DNAH2: variants seen among roughly 807,000 people sequenced by gnomAD.
DNAH2 encodes the protein dynein axonemal heavy chain 2, also known as axonemal beta dynein heavy chain 2.
A neutral mutation model predicts 523.5 loss-of-function variants in DNAH2; 323 were observed. That is an observed-to-expected ratio of 0.62 (90% confidence interval 0.56 to 0.68). The LOEUF (loss-of-function observed/expected upper bound fraction) is 0.68. DNAH2 is among the 30% of genes least tolerant of loss of function. The probability of loss-of-function intolerance (pLI) is 0.00; values close to 1 mark genes in which losing one functional copy is unlikely to be tolerated. For missense variants in DNAH2, 4,907 were observed against 5,701.5 expected (o/e 0.86, Z 4.49); for synonymous variants, 2,093 against 2,177.4 (o/e 0.96, Z 1.08).
rs1416831619 is a variant in DNAH2 at position 7,833,571 on chromosome 17, G to C, written c.*38G>C. ...TTCTCCGCTTGAGAGAGAGGGTCAG[G>C]GACTCCAGGAGCTAAGACAGATGTT... On this transcript the variant is annotated 3_prime_UTR_variant, in exon 86 of 86. Transcript: ENST00000572933. 1.2e-6 allele frequency: 2 copies of C among 1,608,722 alleles called. No homozygotes were observed. The highest frequency in any genetic ancestry group is 2.7e-5 in the African/African-American group (2 of 74,908).
At chr17:7,796,356 T>A in intron 49 of DNAH2, 108 bp from the exon 50 acceptor site, 2 of 1,322,120 alleles carry the variant, frequency 1.5e-6, no homozygotes, top group Non-Finnish European at 2.0e-6. Flanking sequence ...GCCCTAGGAT[T>A]TTTTTTGACA....
chr17:7,777,083 C>T (rs1231622604), intron 32 of DNAH2, among the ~76,000 whole-genome samples, 194 bp downstream of exon 32: 2 of 148,874 alleles, frequency 1.3e-5, no homozygotes, highest in Non-Finnish European at 3.0e-5. Flanking sequence ...GAGCTAAGAT[C>T]GTACCACTGC....
chr17:7,765,432 C>T lies in DNAH2; in HGVS notation c.3378C>T (p.Val1126=). The change falls in exon 21 of 86, where the codon GTC becomes GTT. Residue 1126 remains valine (V), a synonymous_variant. Coordinates refer to ENST00000572933, the MANE Select transcript of DNAH2 (RefSeq NM_020877.5). ...ACAGTCTCAACGGGGAGTGGGTTGT[C>T]TTCCAACAAACTCTGCTGGACAGTA... is the stretch of plus-strand genomic sequence containing the variant. ...MLDSLNGEWV[V]FQQTLLDSKQ... 6.2e-7 allele frequency: 1 copy of T among 1,614,188 alleles called. No individual in the cohort carries two copies. The highest frequency in any genetic ancestry group is 8.5e-7 in the Non-Finnish European group (1 of 1,180,008).
In DNAH2 at chr17:7,833,256, C is replaced by T. The variant is rs749194882; in HGVS notation, c.13129+35C>T. 8.7e-6 allele frequency: 14 copies of T among 1,606,352 alleles called. 1 individual carries two copies. Among genetic ancestry groups the T allele is most frequent in the East Asian group, 6.7e-5 (3 of 44,842 alleles). On this transcript the variant is annotated intron_variant, in intron 85 of 85. Transcript: ENST00000572933. The stretch of plus-strand genomic sequence containing the variant: ...CTCCCCAGGCAGGACCTGCCTGCCC[C>T]GTCCCTAGTTTGGAACTTAACCCAT...
intron 77 of DNAH2, among the ~76,000 whole-genome samples, chr17:7,829,086 C>T (rs11870595): frequency 0.036 from 5,428 of 151,718 alleles, 266 homozygotes; most frequent in African/African-American, 0.1. Flanking sequence ...AGTGCAGTGG[C>T]GCTCTGCAAC....
At chr17:7,753,621 T>C (rs2075751094) in intron 12 of DNAH2, among the ~76,000 whole-genome samples, 1 of 152,014 alleles carries the variant, frequency 6.6e-6, no homozygotes, top group Admixed American at 6.6e-5. Flanking sequence ...AAGAGTGCGT[T>C]TGAAGAAAGT....
rs1476266610 is a variant in DNAH2 at position 7,774,956 on chromosome 17, A to C, written c.4699A>C (p.Lys1567Gln). The change falls in exon 29 of 86, where the codon AAG becomes CAG. Residue 1567 changes from lysine (K) to glutamine (Q), a missense_variant. Transcript: ENST00000572933. ...CCTCAAAAAATGCTTTGACAACATC[A>C]AGTTGCTGAGAATCCAGAAGGTCAG... ...PHLKKCFDNIKLLRIQKVGGP... is the reference protein window; with the variant it reads ...PHLKKCFDNIQLLRIQKVGGP... 1.2e-6 allele frequency: 2 copies of C among 1,613,820 alleles called. No homozygotes were observed. The highest frequency in any genetic ancestry group is 1.7e-5 in the Admixed American group (1 of 59,996).
In DNAH2 at chr17:7,833,686, C is replaced by A; in HGVS notation, c.*153C>A. 2 of 1,063,250 alleles carry A rather than the reference C, an allele frequency of 1.9e-6. No homozygotes were observed. Among genetic ancestry groups the A allele is most frequent in the Non-Finnish European group, 2.8e-6 (2 of 715,292 alleles). 65.9% of individuals were successfully genotyped at this position (1,063,250 alleles called of 1,614,324 possible). On this transcript the variant is annotated 3_prime_UTR_variant, in exon 86 of 86. Coordinates refer to ENST00000572933, the MANE Select transcript of DNAH2 (RefSeq NM_020877.5). ...CCTGGAGATACCTAGTTGTGTTAGCCATAAAAGTGAAAGAGTTGTATTGGA... is the reference window on the plus strand; with the variant it reads ...CCTGGAGATACCTAGTTGTGTTAGCAATAAAAGTGAAAGAGTTGTATTGGA...
intron 70 of DNAH2, 52 bp from the exon 71 acceptor site, chr17:7,818,867 G>A (rs1339335565): frequency 1.2e-6 from 2 of 1,606,628 alleles, no homozygotes; most frequent in African/African-American, 1.3e-5. Flanking sequence ...GCATCCCAGG[G>A]AGCCTGGTCC....
chr17:7,718,496 C>T lies in DNAH2; in HGVS notation c.-318C>T, dbSNP rs2074490342. On this transcript the variant is annotated 5_prime_UTR_variant, in exon 1 of 86. Coordinates refer to ENST00000572933, the MANE Select transcript of DNAH2 (RefSeq NM_020877.5). The stretch of plus-strand genomic sequence containing the variant: ...AGTGCCCAGCGCCTCAGACTTTGCG[C>T]CTGGGATTCTGAGCACCTGTCCGAG... The T allele has an allele frequency of 6.6e-6, 1 of 152,184 alleles. No homozygotes were observed. Among genetic ancestry groups the T allele is most frequent in the South Asian group, 2.1e-4 (1 of 4,832 alleles). 9.4% of individuals were successfully genotyped at this position (152,184 alleles called of 1,614,324 possible). A position where few individuals can be genotyped will look rare whatever the true frequency, so the allele number is the denominator to read the frequency against.
At position 7,774,287 on chromosome 17, in the gene DNAH2, C is replaced by G. The variant is rs576687388; in HGVS notation, c.4502-472C>G. ...ACTAAGTGACTCACGGGCAGGGAAC[C>G]TCCGCAGCATGGAGACGCTGGACAG... On this transcript the variant is annotated intron_variant, in intron 28 of 85. Coordinates refer to ENST00000572933, the MANE Select transcript of DNAH2 (RefSeq NM_020877.5). Among the ~76,000 whole-genome samples the G allele has an allele frequency of 2.0e-5, 3 of 152,220 alleles. No individual in the cohort carries two copies. The South Asian group carries it at 6.2e-4, about 32-fold the overall frequency.
chr17:7,820,128 G>C (rs946890599), intron 72 of DNAH2, among the ~76,000 whole-genome samples: 1 of 152,094 alleles, frequency 6.6e-6, no homozygotes, highest in East Asian at 1.9e-4. Context: ...AGTTATCCTT[G>C]ACTCTTCCCT....
intron 24 of DNAH2, among the ~76,000 whole-genome samples, chr17:7,768,847 G>T (rs376791193): frequency 6.6e-6 from 1 of 152,154 alleles, no homozygotes; most frequent in Non-Finnish European, 1.5e-5. Context: ...TGTCCTCCAG[G>T]TTCTTCCATG....
rs201676897 is a variant in DNAH2 at position 7,719,850 on chromosome 17, C to T, written c.116C>T (p.Pro39Leu). The change falls in exon 2 of 86, where the codon CCG (proline) becomes CTG (leucine). Residue 39 changes from proline (P) to leucine (L), a missense_variant. Physicochemically the swap from Pro to Leu is moderately conservative, Grantham distance 98 (BLOSUM62 -3). Transcript: ENST00000572933. ...GCCACACAGGAGCAGGGGAATGCCC[C>T]GGCTGTCAGTGAGCCAGAGCTGCAG... Reference protein sequence around the residue: ...AVATQEQGNAPAVSEPELQAE... With the variant: ...AVATQEQGNALAVSEPELQAE... 1.3e-4 allele frequency: 209 copies of T among 1,600,498 alleles called. No individual in the cohort carries two copies. The highest frequency in any genetic ancestry group is 6.7e-4 in the Admixed American group (39 of 58,430).
chr17:7,793,689 T>A (rs915345562), intron 48 of DNAH2, among the ~76,000 whole-genome samples: 2 of 152,046 alleles, frequency 1.3e-5, no homozygotes, highest in African/African-American at 2.4e-5. Flanking sequence ...GGTTTTGAAC[T>A]CCTGGGCTCA....
intron 51 of DNAH2, 41 bp downstream of exon 51, chr17:7,797,302 C>A: frequency 6.2e-7 from 1 of 1,613,650 alleles, no homozygotes; most frequent in Non-Finnish European, 8.5e-7. Flanking sequence ...GCTTCCTCAG[C>A]CTTGCTCCCA....
rs767120412 is a variant in DNAH2, at chr17:7,830,828, A to G, written c.12216A>G (p.Ser4072=). 6.4e-5 allele frequency: 104 copies of G among 1,613,872 alleles called. No individual in the cohort carries two copies. The highest frequency in any genetic ancestry group is 8.5e-5 in the Non-Finnish European group (100 of 1,180,028). ...INDYFCDQSL[S]TPFHRLSALE... is the part of the protein sequence containing the mutation. Reference sequence around the variant, plus strand: ...ATTATTTCTGTGACCAGTCTCTATCAACTCCCTTCCACCGGTGAGGGGGAG... The same window carrying G: ...ATTATTTCTGTGACCAGTCTCTATCGACTCCCTTCCACCGGTGAGGGGGAG... Residue 4072 remains serine (S), a synonymous_variant, in exon 79 of 86, where the codon TCA becomes TCG. Coordinates refer to ENST00000572933, the MANE Select transcript of DNAH2 (RefSeq NM_020877.5).
chr17:7,797,118 AAAAC>A, intron 50 of DNAH2, 54 bp from the exon 51 acceptor site: 2 of 1,498,902 alleles, frequency 1.3e-6, no homozygotes, highest in Non-Finnish European at 1.8e-6. Flanking sequence ...AAAAAAAAAA[AAAAC>A]TTCTGGAGGG....
chr17:7,821,519 G>A lies in DNAH2; in HGVS notation c.11142+150G>A. ...CAGGCCAGCATCAGGTGCATGGTGA[G>A]CTCCCTGGGGCTGCGGAGGTGACTT... On this transcript the variant is annotated intron_variant, in intron 73 of 85. Transcript: ENST00000572933. The surrounding 1 kb of genome is among the most constrained non-coding windows in gnomAD (Gnocchi z 5.0). 2.6e-6 allele frequency: 3 copies of A among 1,164,668 alleles called. No homozygotes were observed. The highest frequency in any genetic ancestry group is 3.5e-6 in the Non-Finnish European group (3 of 855,448). The allele number at this position is 1,164,668 out of a possible 1,614,324, so 72.1% of individuals were successfully genotyped here. A position where few individuals can be genotyped will look rare whatever the true frequency, so the allele number is the denominator to read the frequency against.
Sources: gnomAD v4.1 joint callset for allele counts (sites outside exome capture counted in the v4.1 genomes callset) on GRCh38, gnomAD v4.1.1 for gene constraint, Gnocchi (gnomAD v3.1) non-coding constraint, MANE v1.5 for transcripts, NCBI Gene and HGNC (gene_info 2026-07-23, HGNC 2026-07-21) for gene names.